The following IGSF21 variants were observed in gnomAD, a reference collection of about 807,000 sequenced individuals.
IGSF21 encodes the protein immunoglobulin superfamily member 21.
IGSF21 carries 28 observed loss-of-function variants against 46.8 expected under a neutral mutation model. The ratio of observed to expected loss-of-function variants is 0.60; its 90% CI spans 0.44 to 0.82. IGSF21 has a LOEUF of 0.82. IGSF21 is among the 40% of genes least tolerant of loss of function. IGSF21 has a pLI of 0.00. For missense variants in IGSF21, 624 were observed against 665.5 expected, an observed-to-expected ratio of 0.94 and a Z score of 0.69; for synonymous variants, 284 against 273.6, an observed-to-expected ratio of 1.04 and a Z score of -0.38.
At chr1:18,155,520 C>A (rs1019934464) in intron 1 of IGSF21, among the ~76,000 whole-genome samples, 10 of 152,252 alleles carry the variant, frequency 6.6e-5, no homozygotes, top group African/African-American at 2.4e-4. Context: ...CCCAGGCTGG[C>A]TCTCCAGCCC....
intron 3 of IGSF21, among the ~76,000 whole-genome samples, chr1:18,306,535 G>A (rs2085427545): frequency 6.6e-6 from 1 of 151,972 alleles, no homozygotes; most frequent in Admixed American, 6.6e-5. Flanking sequence ...CAAGCACCCC[G>A]AGGATAAAGA....
intron 1 of IGSF21, among the ~76,000 whole-genome samples, chr1:18,202,008 T>C (rs2087080275): frequency 6.6e-6 from 1 of 152,228 alleles, no homozygotes; most frequent in African/African-American, 2.4e-5. Flanking sequence ...CCAGTTTTGT[T>C]CAGGAGAGCA....
At chr1:18,370,496 G>A (rs1359890524) in intron 6 of IGSF21, among the ~76,000 whole-genome samples, 1 of 152,186 alleles carries the variant, frequency 6.6e-6, no homozygotes, top group Non-Finnish European at 1.5e-5. Flanking sequence ...GCATCATGAA[G>A]CCTCTAGAAC....
intron 6 of IGSF21, among the ~76,000 whole-genome samples, chr1:18,366,259 G>A (rs988514813): frequency 1.3e-5 from 2 of 152,208 alleles, no homozygotes; most frequent in Non-Finnish European, 2.9e-5. Flanking sequence ...GAACCAGGAT[G>A]TTTGCTGGGT....
chr1:18,312,709 T>C (rs993529277), intron 3 of IGSF21, among the ~76,000 whole-genome samples: 26 of 152,234 alleles, frequency 1.7e-4, no homozygotes, highest in African/African-American at 6.3e-4. Context: ...ATTAGATCCT[T>C]GTGGGTAGTC....
Position 18,365,530 on chromosome 1 carries a change from C to T in IGSF21, c.848C>T (p.Pro283Leu), listed in dbSNP as rs1348921396. 6.2e-7 allele frequency: 1 copy of T among 1,614,134 alleles called. No homozygotes were observed. The highest frequency in any genetic ancestry group is 1.1e-5 in the South Asian group (1 of 91,080). The change falls in exon 6 of 10, where the codon CCC becomes CTC. Residue 283 changes from proline (P) to leucine (L), a missense_variant. By Grantham distance (98) the Pro-to-Leu change is moderately conservative (BLOSUM62 -3). Coordinates refer to ENST00000251296, the MANE Select transcript of IGSF21 (RefSeq NM_032880.5). This position sits in a 1 kb window ranked among gnomAD's most constrained non-coding sequence, Gnocchi z 4.8. Reference protein sequence around the residue: ...EFPRWVHSAEPTYFLRHSRTP... With the variant: ...EFPRWVHSAELTYFLRHSRTP... ...CCCCGCTGGGTCCACAGCGCCGAGC[C>T]CACCTACTTCCTGCGCCACAGCCGC...
intron 4 of IGSF21, among the ~76,000 whole-genome samples, chr1:18,351,562 A>T (rs534866984): frequency 8.3e-4 from 126 of 152,136 alleles, no homozygotes; most frequent in African/African-American, 2.9e-3. Context: ...CTCTGGGGGG[A>T]GGACGGACGA....
Position 18,375,131 on chromosome 1 carries a change from G to A in IGSF21, c.1016-1179G>A, listed in dbSNP as rs191370842. On this transcript the variant is annotated intron_variant, in intron 6 of 9. Coordinates refer to ENST00000251296, the MANE Select transcript of IGSF21 (RefSeq NM_032880.5). Reference sequence around the variant, plus strand: ...ATTCTGAGCCCCCTCCCTTGGTCTAGTGATCTGCATGGAGCACTGTCACTC... The same window carrying A: ...ATTCTGAGCCCCCTCCCTTGGTCTAATGATCTGCATGGAGCACTGTCACTC... Among the ~76,000 whole-genome samples the A allele has an allele frequency of 1.3e-4, 20 of 152,282 alleles. 1 individual carries two copies. The East Asian group carries it at 3.9e-3, about 29-fold the overall frequency.
intron 2 of IGSF21, among the ~76,000 whole-genome samples, chr1:18,288,406 G>A (rs1377462595): frequency 1.3e-5 from 2 of 152,148 alleles, no homozygotes; most frequent in Admixed American, 1.3e-4. Flanking sequence ...ACTGACTCTG[G>A]AACCTCAGCT....
chr1:18,374,445 G>T (rs1286729765), intron 6 of IGSF21, among the ~76,000 whole-genome samples: 1 of 152,122 alleles, frequency 6.6e-6, no homozygotes, highest in Non-Finnish European at 1.5e-5. Flanking sequence ...TGGTGCACTT[G>T]GGAATGCGAA....
chr1:18,138,540 GA>G (rs1262801708), intron 1 of IGSF21, among the ~76,000 whole-genome samples: 2 of 152,172 alleles, frequency 1.3e-5, no homozygotes, highest in African/African-American at 4.8e-5. Context: ...TGTGGGCTGG[GA>G]AAAGAAAAGC....
intron 1 of IGSF21, among the ~76,000 whole-genome samples, chr1:18,192,032 G>T (rs1322375872): frequency 1.3e-5 from 2 of 152,058 alleles, no homozygotes; most frequent in East Asian, 3.9e-4. Flanking sequence ...GCTCTGTCAT[G>T]CACACCTGTC....
chr1:18,132,674 T>G (rs1038524527), intron 1 of IGSF21, among the ~76,000 whole-genome samples: 22 of 152,124 alleles, frequency 1.4e-4, no homozygotes, highest in African/African-American at 5.3e-4. Context: ...GACTGAGAGT[T>G]GAAACCTCAC....
intron 4 of IGSF21, among the ~76,000 whole-genome samples, chr1:18,359,378 GAAA>G (rs1557659594): frequency 1.7e-3 from 175 of 100,526 alleles, no homozygotes; most frequent in African/African-American, 5.7e-3. Flanking sequence ...AAGAAAGAAA[GAAA>G]GAAAGGAAGG....
At chr1:18,120,662 C>T (rs1047247256) in intron 1 of IGSF21, among the ~76,000 whole-genome samples, 8 of 152,180 alleles carry the variant, frequency 5.3e-5, no homozygotes, top group African/African-American at 1.7e-4. Flanking sequence ...CAAAACGGTG[C>T]CTACTCTGCA....
chr1:18,294,484 CT>C lies in IGSF21; in HGVS notation c.305+2498del, dbSNP rs1198541731. 5.3e-5 allele frequency among the ~76,000 whole-genome samples: 8 copies of C among 152,312 alleles called. 1 individual carries two copies. Among genetic ancestry groups the C allele is most frequent in the African/African-American group, 1.9e-4 (8 of 41,560 alleles). ...ATCATTTTCTCTAGCCCTGTTCTTA[CT>C]ACAGAAGAGGTCAAAGTTCAGCAGG... On this transcript the variant is annotated intron_variant, in intron 3 of 9. Coordinates refer to ENST00000251296, the MANE Select transcript of IGSF21 (RefSeq NM_032880.5).
chr1:18,285,972 C>T (rs942703880), intron 2 of IGSF21, among the ~76,000 whole-genome samples: 2 of 152,216 alleles, frequency 1.3e-5, no homozygotes, highest in African/African-American at 4.8e-5. Flanking sequence ...ACTGAATTCT[C>T]ACACGTGTGC....
chr1:18,241,038 A>G (rs917335398), intron 2 of IGSF21, among the ~76,000 whole-genome samples: 1 of 152,206 alleles, frequency 6.6e-6, no homozygotes, highest in Admixed American at 6.5e-5. Context: ...TGTTCTGAGA[A>G]GCAGACATGT....
chr1:18,155,947 G>A (rs2086564444), intron 1 of IGSF21, among the ~76,000 whole-genome samples: 1 of 152,244 alleles, frequency 6.6e-6, no homozygotes, highest in Non-Finnish European at 1.5e-5. Flanking sequence ...GATGGGCCCG[G>A]ATGCGGTGCT....
Sources: allele counts gnomAD v4.1 joint callset (sites outside exome capture counted in the v4.1 genomes callset), GRCh38; gene constraint gnomAD v4.1.1; non-coding constraint Gnocchi (gnomAD v3.1); transcripts MANE v1.5; gene names NCBI Gene and HGNC (gene_info 2026-07-23, HGNC 2026-07-21).